The following LMNTD1 variants were observed in gnomAD, a reference collection of about 807,000 sequenced individuals.
The protein encoded by LMNTD1 is lamin tail domain-containing protein 1.
In LMNTD1, 35 loss-of-function variants were observed where a neutral mutation model predicts 50.9. That is an observed-to-expected ratio of 0.69 (90% CI 0.53 to 0.91). The LOEUF is 0.91. Ranked by LOEUF, LMNTD1 falls within the 40% of genes least tolerant of loss-of-function variation. The pLI is 0.00. For synonymous variants in LMNTD1, 153 were observed against 161.9 expected, an observed-to-expected ratio of 0.94 and a Z score of 0.42; for missense variants, 470 against 475.5, an observed-to-expected ratio of 0.99 and a Z score of 0.11.
chr12:25,531,231 T>G (rs1338077366), intron 4 of LMNTD1, among the ~76,000 whole-genome samples: 1 of 152,232 alleles, frequency 6.6e-6, no homozygotes, highest in African/African-American at 2.4e-5. Flanking sequence ...AGAAATCAGC[T>G]GAGACAACCC....
chr12:25,523,051 T>C (rs1941444043), intron 6 of LMNTD1, among the ~76,000 whole-genome samples: 1 of 152,204 alleles, frequency 6.6e-6, no homozygotes, highest in Non-Finnish European at 1.5e-5. Context: ...TTATTTTTTT[T>C]CGAGACAGAG....
At chr12:25,591,631 CT>C (rs1945698900) in intron 1 of LMNTD1, among the ~76,000 whole-genome samples, 1 of 152,152 alleles carries the variant, frequency 6.6e-6, no homozygotes, top group Non-Finnish European at 1.5e-5. Context: ...GCCTTACCAC[CT>C]GCTTTTATAA....
At chr12:25,542,486 C>A (rs1163741091) in intron 4 of LMNTD1, among the ~76,000 whole-genome samples, 1 of 146,552 alleles carries the variant, frequency 6.8e-6, no homozygotes, top group Non-Finnish European at 1.5e-5. Flanking sequence ...AAACCAAACA[C>A]TGCATATTCT....
intron 9 of LMNTD1, among the ~76,000 whole-genome samples, chr12:25,494,470 G>A (rs139315845): frequency 2.2e-4 from 34 of 152,052 alleles, no homozygotes; most frequent in East Asian, 1.5e-3. Flanking sequence ...TGAAACTATC[G>A]TTGGCCTACG....
intron 9 of LMNTD1, among the ~76,000 whole-genome samples, chr12:25,502,433 C>T (rs1304010939): frequency 6.6e-6 from 1 of 152,154 alleles, no homozygotes; most frequent in African/African-American, 2.4e-5. Context: ...AATTGATCAC[C>T]AGGTAGACAT....
chr12:25,541,453 A>G (rs1470339379), intron 4 of LMNTD1, among the ~76,000 whole-genome samples: 1 of 134,638 alleles, frequency 7.4e-6, no homozygotes, highest in Non-Finnish European at 1.6e-5. Flanking sequence ...CAAACCTGAG[A>G]AAAACAAGCA....
chr12:25,550,163 T>C (rs1943668223), intron 2 of LMNTD1, among the ~76,000 whole-genome samples: 1 of 152,002 alleles, frequency 6.6e-6, no homozygotes, highest in Non-Finnish European at 1.5e-5. Flanking sequence ...AAAGATCATT[T>C]TCGTGTACTA....
intron 1 of LMNTD1, among the ~76,000 whole-genome samples, chr12:25,630,415 C>A (rs776746050): frequency 6.6e-6 from 1 of 152,146 alleles, no homozygotes; most frequent in Admixed American, 6.5e-5. Context: ...AACAAATCAG[C>A]AGTCCCGAGA....
At position 25,605,542 on chromosome 12, in the gene LMNTD1, G is replaced by A. The variant is rs1946079455; in HGVS notation, c.58+42952C>T. 2.0e-5 allele frequency among the ~76,000 whole-genome samples: 3 copies of A among 152,294 alleles called. No homozygotes were observed. In the South Asian group the frequency reaches 6.2e-4, roughly 32 times the overall value. On this transcript the variant is annotated intron_variant, in intron 1 of 7. Coordinates refer to the LMNTD1 transcript ENST00000445693. ...GTATAAGGTGTAAGGAAGGGATCCA[G>A]TTTCAGCTTTCTACATATGGCCAGC...
intron 4 of LMNTD1, among the ~76,000 whole-genome samples, chr12:25,532,831 TA>T (rs1468416728): frequency 6.6e-6 from 1 of 152,196 alleles, no homozygotes; most frequent in African/African-American, 2.4e-5. Context: ...ATCCTCATCT[TA>T]CTGTTACTAA....
intron 9 of LMNTD1, among the ~76,000 whole-genome samples, chr12:25,498,829 G>A (rs1386024483): frequency 6.6e-6 from 1 of 152,170 alleles, no homozygotes; most frequent in East Asian, 1.9e-4. Context: ...GTGTGATGAA[G>A]GTTGGTTGCA....
At chr12:25,607,583 C>T (rs1046663840) in intron 1 of LMNTD1, among the ~76,000 whole-genome samples, 5 of 152,038 alleles carry the variant, frequency 3.3e-5, no homozygotes, top group South Asian at 2.1e-4. Context: ...GCCTTCATTT[C>T]TTTATGTACC....
At chr12:25,631,378 C>G (rs1455055917) in intron 1 of LMNTD1, among the ~76,000 whole-genome samples, 2 of 152,206 alleles carry the variant, frequency 1.3e-5, no homozygotes, top group Middle Eastern at 3.2e-3. Context: ...GCTAAGAACC[C>G]TCACGGAGTC....
intron 1 of LMNTD1, among the ~76,000 whole-genome samples, chr12:25,635,705 T>G (rs570258229): frequency 1.6e-4 from 25 of 152,250 alleles, no homozygotes; most frequent in African/African-American, 4.8e-4. Context: ...AGAACAAATC[T>G]GGAAGCATCA....
At chr12:25,524,113 T>C (rs1047473287) in intron 6 of LMNTD1, among the ~76,000 whole-genome samples, 7 of 152,216 alleles carry the variant, frequency 4.6e-5, no homozygotes, top group African/African-American at 1.7e-4. Context: ...TCACAACACA[T>C]GGCTCTTCCT....
intron 3 of LMNTD1, 76 bp downstream of exon 3, chr12:25,549,250 G>C (rs1943610712): frequency 1.4e-6 from 1 of 740,374 alleles, no homozygotes. Flanking sequence ...CATTCTGACT[G>C]AGAGTCATAT....
chr12:25,606,504 C>T (rs1946107796), intron 1 of LMNTD1, among the ~76,000 whole-genome samples: 1 of 152,136 alleles, frequency 6.6e-6, no homozygotes, highest in African/African-American at 2.4e-5. Flanking sequence ...GAGATACATC[C>T]CATCAATACC....
chr12:25,553,351 C>T (rs1943886989), upstream of LMNTD1: 4 of 912,958 alleles, frequency 4.4e-6, no homozygotes, highest in Admixed American at 3.9e-5. Context: ...AACCAAGTTC[C>T]AGTTTCTGAA....
chr12:25,626,864 A>C (rs910013340), intron 1 of LMNTD1, among the ~76,000 whole-genome samples: 1 of 152,174 alleles, frequency 6.6e-6, no homozygotes, highest in Non-Finnish European at 1.5e-5. Flanking sequence ...TACATCAAAT[A>C]ATGTTTTTCC....
Sources: allele counts gnomAD v4.1 joint callset (sites outside exome capture counted in the v4.1 genomes callset), GRCh38; gene constraint gnomAD v4.1.1; transcripts MANE v1.5; gene names NCBI Gene and HGNC (gene_info 2026-07-23, HGNC 2026-07-21).